The following NCKAP5 variants were observed in gnomAD, a reference collection of about 807,000 sequenced individuals.
NCKAP5 encodes the protein nck-associated protein 5.
In NCKAP5, 92 loss-of-function variants were observed where a neutral mutation model predicts 167.0. The observed-to-expected ratio is 0.55, with a 90% CI of 0.47 to 0.66. The LOEUF (loss-of-function observed/expected upper bound fraction) is 0.66, where lower values mean the gene tolerates loss of function less well. NCKAP5 is among the 30% of genes least tolerant of loss of function. NCKAP5 has a pLI of 0.00. For synonymous variants in NCKAP5, 891 were observed against 877.4 expected (o/e 1.02, Z -0.27); for missense variants, 2,378 against 2,315.0 (o/e 1.03, Z -0.56).
At chr2:133,254,879 A>C (rs1487774198) in intron 4 of NCKAP5, among the ~76,000 whole-genome samples, 1 of 152,066 alleles carries the variant, frequency 6.6e-6, no homozygotes, top group African/African-American at 2.4e-5. Flanking sequence ...GTTACTAAAT[A>C]AACATTTATT....
chr2:132,770,070 G>A (rs970011141), intron 16 of NCKAP5, among the ~76,000 whole-genome samples: 26 of 152,238 alleles, frequency 1.7e-4, no homozygotes, highest in Admixed American at 7.2e-4. Flanking sequence ...AATGATTCTT[G>A]TGCAGTTTAC....
At chr2:133,184,516 T>C (rs2084863792) in intron 5 of NCKAP5, among the ~76,000 whole-genome samples, 1 of 152,088 alleles carries the variant, frequency 6.6e-6, no homozygotes, top group South Asian at 2.1e-4. Context: ...TGGCAATCTG[T>C]TTTATGTTCT....
intron 6 of NCKAP5, among the ~76,000 whole-genome samples, chr2:133,006,838 G>A (rs1404121895): frequency 6.6e-6 from 1 of 152,134 alleles, no homozygotes; most frequent in East Asian, 1.9e-4. Context: ...ACAAGAAGAT[G>A]GAACAGTGGC....
At chr2:132,830,245 A>T (rs1687424375) in intron 11 of NCKAP5, among the ~76,000 whole-genome samples, 1 of 152,180 alleles carries the variant, frequency 6.6e-6, no homozygotes, top group Non-Finnish European at 1.5e-5. Flanking sequence ...AACAGGATAC[A>T]GAGCAGTAAA....
At chr2:133,362,613 A>C (rs1320362251) in intron 3 of NCKAP5, among the ~76,000 whole-genome samples, 1 of 152,196 alleles carries the variant, frequency 6.6e-6, no homozygotes, top group Non-Finnish European at 1.5e-5. Context: ...ACCATCTAGA[A>C]AAGAAATCAA....
intron 4 of NCKAP5, among the ~76,000 whole-genome samples, chr2:133,225,779 CTTTTTTTT>C (rs1003972708): frequency 1.0e-4 from 4 of 39,732 alleles, no homozygotes; most frequent in African/African-American, 2.7e-4. Context: ...ATGCCCTGTT[CTTTTTTTT>C]TTTTTTTTTT....
chr2:133,137,607 T>C (rs2082841565), intron 5 of NCKAP5, among the ~76,000 whole-genome samples: 2 of 152,008 alleles, frequency 1.3e-5, no homozygotes, highest in South Asian at 4.2e-4. Context: ...ATAACAGAAA[T>C]GGCACAGGTG....
At chr2:133,536,030 G>T (rs1187659880) in intron 2 of NCKAP5, among the ~76,000 whole-genome samples, 1 of 152,086 alleles carries the variant, frequency 6.6e-6, no homozygotes, top group African/African-American at 2.4e-5. Flanking sequence ...GTAGACTCTG[G>T]ATATTAGTCC....
intron 4 of NCKAP5, among the ~76,000 whole-genome samples, chr2:133,219,251 G>A (rs532605077): frequency 5.3e-5 from 8 of 152,278 alleles, no homozygotes; most frequent in South Asian, 2.1e-4. Flanking sequence ...ACCCCAGCCC[G>A]GCTGCTAGCC....
chr2:133,549,836 T>G (rs1397091667), intron 2 of NCKAP5, among the ~76,000 whole-genome samples: 11 of 148,356 alleles, frequency 7.4e-5, no homozygotes, highest in Non-Finnish European at 1.6e-4. Flanking sequence ...TCAACAAAAT[T>G]GATAGACCAC....
chr2:133,631,321 C>T, the NCKAP5 span, among the ~76,000 whole-genome samples: 1 of 152,176 alleles, frequency 6.6e-6, no homozygotes, highest in East Asian at 1.9e-4. Flanking sequence ...CTCTGGTGGT[C>T]TCTTTAACTT....
intron 19 of NCKAP5, among the ~76,000 whole-genome samples, chr2:132,683,933 G>A (rs1409202265): frequency 7.2e-5 from 11 of 152,270 alleles, no homozygotes; most frequent in Admixed American, 7.2e-4. Flanking sequence ...TTAAACTGTA[G>A]GGAGATTAAA....
chr2:132,752,004 G>A (rs550899596), intron 16 of NCKAP5, among the ~76,000 whole-genome samples: 1 of 152,238 alleles, frequency 6.6e-6, no homozygotes, highest in East Asian at 1.9e-4. Context: ...GTAAAATGCA[G>A]TGCATTAATT....
the NCKAP5 span, among the ~76,000 whole-genome samples, chr2:133,631,611 G>A: frequency 6.6e-6 from 1 of 152,158 alleles, no homozygotes; most frequent in Non-Finnish European, 1.5e-5. Flanking sequence ...CTTCTCACGT[G>A]ACATTGGAGG....
intron 4 of NCKAP5, among the ~76,000 whole-genome samples, chr2:133,234,619 A>C (rs1014039): frequency 0.079 from 11,933 of 151,978 alleles, 1,494 homozygotes; most frequent in African/African-American, 0.27. Context: ...CTGTTCGCAG[A>C]TTTTCTGACT....
chr2:133,567,657 C>CTCTGTGTGTGTGTGTGTGTG (rs375516676), intron 1 of NCKAP5, among the ~76,000 whole-genome samples: 1 of 130,900 alleles, frequency 7.6e-6, no homozygotes, highest in African/African-American at 2.8e-5. Context: ...ATGAATGAGC[C>CTCTGTGTGTGTGTGTGTGTG]TGTGTGTGTG....
chr2:132,985,458 T>C (rs1387890040), intron 7 of NCKAP5, among the ~76,000 whole-genome samples: 2 of 152,226 alleles, frequency 1.3e-5, no homozygotes, highest in Non-Finnish European at 2.9e-5. Flanking sequence ...TGAAACTGTT[T>C]TGAAAACTTC....
intron 3 of NCKAP5, among the ~76,000 whole-genome samples, chr2:133,456,751 A>T (rs986009738): frequency 6.6e-6 from 1 of 152,140 alleles, no homozygotes; most frequent in Non-Finnish European, 1.5e-5. Context: ...AAGCAAACAC[A>T]ATTTCTTTTT....
chr2:133,341,405 G>A (rs1375439232), intron 3 of NCKAP5, among the ~76,000 whole-genome samples: 1 of 152,016 alleles, frequency 6.6e-6, no homozygotes, highest in Non-Finnish European at 1.5e-5. Context: ...TTGCTTAGAG[G>A]AATATAGGAT....
Sources: gnomAD v4.1 joint callset for allele counts (sites outside exome capture counted in the v4.1 genomes callset) on GRCh38, gnomAD v4.1.1 for gene constraint, MANE v1.5 for transcripts, NCBI Gene and HGNC (gene_info 2026-07-23, HGNC 2026-07-21) for gene names.